The following MAGI1 variants were observed in gnomAD, a reference collection of about 807,000 sequenced individuals.
MAGI1 encodes membrane-associated guanylate kinase, WW and PDZ domain-containing protein 1.
Under a neutral mutation model 139.9 loss-of-function variants are expected in MAGI1, and 58 were observed. The observed-to-expected ratio is 0.41, with a 90% CI of 0.34 to 0.52. The LOEUF (loss-of-function observed/expected upper bound fraction) is 0.52, where lower values mean the gene tolerates loss of function less well. Ranked by LOEUF, MAGI1 falls within the 20% of genes least tolerant of loss-of-function variation. The probability of loss-of-function intolerance (pLI) is 0.12; values close to 1 mark genes in which losing one functional copy is unlikely to be tolerated. For synonymous variants in MAGI1, 812 were observed against 737.9 expected (o/e 1.10, Z -1.63); for missense variants, 1,874 against 1,901.6 (o/e 0.99, Z 0.27).
chr3:65,964,919 A>C (rs1042654812), intron 1 of MAGI1, among the ~76,000 whole-genome samples: 2 of 152,238 alleles, frequency 1.3e-5, no homozygotes, highest in Non-Finnish European at 2.9e-5. Context: ...GAATTTCAAT[A>C]AGAAACTCTC....
chr3:65,357,888 T>C (rs1940363392), intron 22 of MAGI1, among the ~76,000 whole-genome samples: 1 of 152,178 alleles, frequency 6.6e-6, no homozygotes, highest in Non-Finnish European at 1.5e-5. Flanking sequence ...ATTATTCAAC[T>C]ACGTTCTCTA....
intron 5 of MAGI1, among the ~76,000 whole-genome samples, chr3:65,456,196 A>G (rs1949377351): frequency 6.6e-6 from 1 of 152,168 alleles, no homozygotes; most frequent in Non-Finnish European, 1.5e-5. Flanking sequence ...TACTTTAGCC[A>G]TCTTAATAAG....
At chr3:65,594,560 C>T (rs1369915321) in intron 2 of MAGI1, among the ~76,000 whole-genome samples, 1 of 152,132 alleles carries the variant, frequency 6.6e-6, no homozygotes, top group Non-Finnish European at 1.5e-5. Context: ...TGCTTTCTTC[C>T]CACCAGACAT....
At chr3:65,749,218 G>A (rs572885377) in intron 1 of MAGI1, among the ~76,000 whole-genome samples, 5 of 152,300 alleles carry the variant, frequency 3.3e-5, no homozygotes, top group African/African-American at 1.2e-4. Context: ...AATGAAGAGA[G>A]TGCCCAATGT....
chr3:65,494,934 T>C (rs543300866), intron 2 of MAGI1, among the ~76,000 whole-genome samples: 3 of 152,356 alleles, frequency 2.0e-5, no homozygotes, highest in South Asian at 4.1e-4. Context: ...AAATTGGGCA[T>C]AGGATGGTTA....
chr3:65,698,549 C>T (rs1341035639), intron 1 of MAGI1, among the ~76,000 whole-genome samples: 1 of 151,964 alleles, frequency 6.6e-6, no homozygotes, highest in Non-Finnish European at 1.5e-5. Flanking sequence ...TGGAACAGAA[C>T]AGAGCCCTCA....
rs375988108 is a variant in MAGI1 at position 65,371,225 on chromosome 3, A to G, written c.3196+4520T>C. 1.5e-4 allele frequency among the ~76,000 whole-genome samples: 23 copies of G among 152,284 alleles called. No homozygotes were observed. The South Asian group carries it at 2.7e-3, about 18-fold the overall frequency. On this transcript the variant is annotated intron_variant, in intron 18 of 22. Transcript: ENST00000402939. Reference sequence around the variant, plus strand: ...GATAAACGTGTCTAAATCCATACACAAAGCATACCTCGGAGATATCACGGG... The same window carrying G: ...GATAAACGTGTCTAAATCCATACACGAAGCATACCTCGGAGATATCACGGG...
intron 1 of MAGI1, among the ~76,000 whole-genome samples, chr3:66,029,392 T>A (rs1235109880): frequency 6.6e-6 from 1 of 152,182 alleles, no homozygotes; most frequent in South Asian, 2.1e-4. Context: ...GTAAGAAGCA[T>A]AACTGTGGCC....
rs184875134 is a variant in MAGI1, at chr3:65,661,937, C to T, written c.314-39849G>A. ...TAAATTTTTGTATTTTTAGTAGAGA[C>T]GGGGTTTCACCATGTTAGCCAGGAT... On this transcript the variant is annotated intron_variant, in intron 1 of 22. Coordinates refer to ENST00000402939, the MANE Select transcript of MAGI1 (RefSeq NM_001033057.2). 3.5e-3 allele frequency among the ~76,000 whole-genome samples: 535 copies of T among 151,114 alleles called. 3 individuals carry two copies. The highest frequency in any genetic ancestry group is 0.012 in the African/African-American group (495 of 41,172).
rs116020079 is a variant in MAGI1 at position 65,795,639 on chromosome 3, A to C, written c.314-173551T>G. Among the ~76,000 whole-genome samples, 618 of 150,848 alleles carry C rather than the reference A, an allele frequency of 4.1e-3. 3 individuals carry two copies. The highest frequency in any genetic ancestry group is 0.014 in the African/African-American group (586 of 41,290). ...TATCTCAGAATAAGAAGTTTAACTT[A>C]AAATGAAGCCTGCTCTATTTCGGTC... On this transcript the variant is annotated intron_variant, in intron 1 of 22. Transcript: ENST00000402939.
intron 12 of MAGI1, 176 bp from the exon 13 acceptor site, chr3:65,401,646 A>C: frequency 6.5e-7 from 1 of 1,548,928 alleles, no homozygotes; most frequent in Non-Finnish European, 8.7e-7. Context: ...ATCAAAGCAG[A>C]GGGAGGAGGA....
intron 1 of MAGI1, among the ~76,000 whole-genome samples, chr3:66,010,360 A>G (rs2067263831): frequency 6.6e-6 from 1 of 152,136 alleles, no homozygotes; most frequent in Non-Finnish European, 1.5e-5. Context: ...TCCCTAGGCA[A>G]TAACTTGGGC....
At chr3:65,570,067 TATTATC>T (rs1333025588) in intron 2 of MAGI1, among the ~76,000 whole-genome samples, 104 of 113,456 alleles carry the variant, frequency 9.2e-4, no homozygotes, top group African/African-American at 2.9e-3. Context: ...TTTCTTTCTT[TATTATC>T]ATTATTATTA....
intron 1 of MAGI1, among the ~76,000 whole-genome samples, chr3:65,885,000 A>T (rs1473947202): frequency 6.6e-6 from 1 of 152,210 alleles, no homozygotes; most frequent in Non-Finnish European, 1.5e-5. Flanking sequence ...ATTGTTCATC[A>T]CATCATTGTT....
At chr3:65,611,042 T>G (rs1275181391) in intron 2 of MAGI1, among the ~76,000 whole-genome samples, 2 of 134,986 alleles carry the variant, frequency 1.5e-5, no homozygotes, top group Non-Finnish European at 3.1e-5. Flanking sequence ...GTATATATAC[T>G]ATATACATAT....
At chr3:65,852,878 G>A (rs1480621661) in intron 1 of MAGI1, among the ~76,000 whole-genome samples, 1 of 151,386 alleles carries the variant, frequency 6.6e-6, no homozygotes, top group East Asian at 2.0e-4. Context: ...GCTCACACCT[G>A]TAATCCCAGC....
intron 2 of MAGI1, among the ~76,000 whole-genome samples, chr3:65,538,365 C>A (rs1226688063): frequency 6.6e-6 from 1 of 152,034 alleles, no homozygotes; most frequent in African/African-American, 2.4e-5. Context: ...TATTCTCTGG[C>A]CAGATTAAAA....
chr3:65,772,210 G>GA (rs1004340484), intron 1 of MAGI1, among the ~76,000 whole-genome samples: 12 of 151,738 alleles, frequency 7.9e-5, no homozygotes, highest in South Asian at 2.1e-4. Context: ...AAAAGAAAAA[G>GA]AAAAAAAAGA....
intron 1 of MAGI1, among the ~76,000 whole-genome samples, chr3:65,959,756 C>T (rs1291945624): frequency 6.8e-6 from 1 of 148,032 alleles, no homozygotes; most frequent in African/African-American, 2.5e-5. Context: ...TAAGGCACCA[C>T]GCCCATCCTA....
Sources: allele counts gnomAD v4.1 joint callset (sites outside exome capture counted in the v4.1 genomes callset), GRCh38; gene constraint gnomAD v4.1.1; transcripts MANE v1.5; gene names NCBI Gene and HGNC (gene_info 2026-07-23, HGNC 2026-07-21).